The following ATM variants were observed in gnomAD, a reference collection of about 807,000 sequenced individuals.
ATM encodes serine-protein kinase ATM.
In ATM, 308 loss-of-function variants were observed where a neutral mutation model predicts 387.0. That is an observed-to-expected ratio of 0.80 (90% CI 0.73 to 0.87). The LOEUF (loss-of-function observed/expected upper bound fraction) is 0.87. Among genes scored for constraint, ATM ranks in the 40% least tolerant of loss-of-function variants. The pLI, the probability that ATM is intolerant of heterozygous loss-of-function variation, is 0.00. For synonymous variants in ATM, 1,156 were observed against 1,187.3 expected (o/e 0.97, Z 0.54); for missense variants, 3,312 against 3,560.9 (o/e 0.93, Z 1.78).
At chr11:108,229,534 TA>T in intron 4 of ATM, 1 of 498,652 alleles carries the variant, frequency 2.0e-6, no homozygotes. Flanking sequence ...AGTGGGAGTT[TA>T]GAAGGAACAA....
chr11:108,350,004 TAGAA>T (rs1226509343), intron 59 of ATM, among the ~76,000 whole-genome samples: 1 of 152,036 alleles, frequency 6.6e-6, no homozygotes, highest in African/African-American at 2.4e-5. Context: ...TGCTGAGAAA[TAGAA>T]AGCATGCTCA....
chr11:108,238,635 T>A (rs1476836646), intron 5 of ATM, among the ~76,000 whole-genome samples: 1 of 152,184 alleles, frequency 6.6e-6, no homozygotes, highest in Non-Finnish European at 1.5e-5. Context: ...TTTGGGACCT[T>A]GCTAAAATCA....
intron 44 of ATM, 68 bp downstream of exon 44, chr11:108,320,126 A>G: frequency 1.6e-6 from 2 of 1,231,590 alleles, no homozygotes; most frequent in African/African-American, 1.5e-5. Flanking sequence ...TGAAAACTTG[A>G]GAAACAATTT....
At chr11:108,355,042 A>C in intron 61 of ATM, 168 bp downstream of exon 61, 1 of 631,542 alleles carries the variant, frequency 1.6e-6, no homozygotes, top group South Asian at 1.9e-5. Context: ...CACATCCAAA[A>C]ATACTGGTTT....
chr11:108,350,033 G>A (rs964402156), intron 59 of ATM, among the ~76,000 whole-genome samples: 1 of 152,158 alleles, frequency 6.6e-6, no homozygotes, highest in African/African-American at 2.4e-5. Context: ...CTAAGAATTG[G>A]AGGGATGGTA....
intron 59 of ATM, among the ~76,000 whole-genome samples, chr11:108,352,411 G>A (rs1284948437): frequency 1.3e-5 from 2 of 152,156 alleles, no homozygotes; most frequent in African/African-American, 4.8e-5. Flanking sequence ...GCAGAATGAG[G>A]AGACAGAAGA....
At chr11:108,268,257 A>T (rs889949466) in intron 17 of ATM, among the ~76,000 whole-genome samples, 153 bp from the exon 18 acceptor site, 5 of 152,182 alleles carry the variant, frequency 3.3e-5, no homozygotes, top group Non-Finnish European at 5.9e-5. Context: ...ATTTTTCAAA[A>T]AGACTTTTGA....
At chr11:108,315,971 G>A (rs778590586) in intron 41 of ATM, 40 bp from the exon 42 acceptor site, 16 of 1,609,740 alleles carry the variant, frequency 9.9e-6, no homozygotes, top group Non-Finnish European at 1.4e-5. Context: ...AGTTATGTGT[G>A]TGTAAAACCC....
rs1591708558 is a variant in ATM at position 108,301,680 on chromosome 11, T to G, written c.5210T>G (p.Leu1737Trp). Reference sequence around the variant, plus strand: ...GTTCGATCAGCAGCTGTTACCTGTTTGAAAAACATTTTAGCCACAAAGACT... The same window carrying G: ...GTTCGATCAGCAGCTGTTACCTGTTGGAAAAACATTTTAGCCACAAAGACT... ...VKVRSAAVTC[L>W]KNILATKTGH... Residue 1737 changes from leucine (L) to tryptophan (W), a missense_variant, in exon 35 of 63, where the codon TTG (leucine) becomes TGG (tryptophan). Leu to Trp is a moderately conservative substitution (Grantham distance 61). This residue lies in a region of ATM where 1,405 missense variants were observed against 1,604.4 expected (regional missense o/e 0.88). Coordinates refer to ENST00000675843, the MANE Select transcript of ATM (RefSeq NM_000051.4). 1 of 1,613,742 alleles carries G rather than the reference T, an allele frequency of 6.2e-7. No homozygotes were observed. Among genetic ancestry groups the G allele is most frequent in the Non-Finnish European group, 8.5e-7 (1 of 1,179,780 alleles).
At chr11:108,359,110 G>A (rs1375517834) in intron 61 of ATM, among the ~76,000 whole-genome samples, 3 of 148,734 alleles carry the variant, frequency 2.0e-5, no homozygotes, top group Non-Finnish European at 4.5e-5. Flanking sequence ...GATCTACCAA[G>A]CAAATGGAAA....
At chr11:108,360,122 C>T (rs1286410316) in intron 61 of ATM, among the ~76,000 whole-genome samples, 81 of 148,560 alleles carry the variant, frequency 5.5e-4, no homozygotes, top group Non-Finnish European at 8.1e-4. Context: ...ATATCACCAC[C>T]GATCCCACAG....
intron 34 of ATM, 62 bp from the exon 35 acceptor site, chr11:108,301,586 G>T (rs2083431505): frequency 6.2e-7 from 1 of 1,604,516 alleles, no homozygotes; most frequent in Non-Finnish European, 8.5e-7. Context: ...TTCAGTGGAG[G>T]TTAACATTCA....
At position 108,241,057 on chromosome 11, in the gene ATM, T is replaced by A. The variant is rs371609237; in HGVS notation, c.497-2896T>A. 2.0e-4 allele frequency among the ~76,000 whole-genome samples: 31 copies of A among 152,300 alleles called. No homozygotes were observed. The East Asian group carries it at 3.7e-3, about 18-fold the overall frequency. ...ATGAAATTATTATTACTCTATTTTT[T>A]CCTTTAAACTTTTTTGTTGAAAACA... On this transcript the variant is annotated intron_variant, in intron 5 of 62. Transcript: ENST00000675843.
intron 31 of ATM, 95 bp downstream of exon 31, chr11:108,293,572 T>G: frequency 8.8e-7 from 1 of 1,136,530 alleles, no homozygotes; most frequent in Non-Finnish European, 1.3e-6. Context: ...AATGGAATCT[T>G]TTCTTTAATT....
intron 5 of ATM, among the ~76,000 whole-genome samples, chr11:108,238,316 T>C (rs2079399694): frequency 6.6e-6 from 1 of 151,986 alleles, no homozygotes; most frequent in South Asian, 2.1e-4. Flanking sequence ...TTTCTTTAAT[T>C]TTATATATTA....
rs2136342106 is a variant in ATM at position 108,326,244 on chromosome 11, C to A, written c.6975+19C>A. On this transcript the variant is annotated intron_variant, in intron 47 of 62. Coordinates refer to ENST00000675843, the MANE Select transcript of ATM (RefSeq NM_000051.4). ...TGCAGCGGTTTGTTTTTTTTATTGG[C>A]TGGATTAGTGTTTTACTGTTATTTA... is the stretch of plus-strand genomic sequence containing the variant. The A allele has an allele frequency of 6.2e-7, 1 of 1,613,458 alleles. No individual in the cohort carries two copies. Among genetic ancestry groups the A allele is most frequent in the Non-Finnish European group, 8.5e-7 (1 of 1,179,842 alleles).
chr11:108,283,914 T>C (rs746320602), intron 25 of ATM, among the ~76,000 whole-genome samples: 6 of 152,232 alleles, frequency 3.9e-5, no homozygotes, highest in Non-Finnish European at 7.3e-5. Context: ...GAAATAAATA[T>C]AAATTCAAGT....
chr11:108,287,530 T>C lies in ATM; in HGVS notation c.3994-70T>C, dbSNP rs1396410790. The C allele has an allele frequency of 5.8e-5, 55 of 953,056 alleles. 3 individuals are homozygous for C. In the South Asian group the frequency reaches 7.7e-4, roughly 13 times the overall value. The allele number at this position is 953,056 out of a possible 1,614,324, so 59.0% of individuals were successfully genotyped here. ...ATACTTTTGGAAATAAGGTAATATATGCCTTTTGAGCTGTCTTGACGTTCA... is the reference window on the plus strand; with the variant it reads ...ATACTTTTGGAAATAAGGTAATATACGCCTTTTGAGCTGTCTTGACGTTCA... On this transcript the variant is annotated intron_variant, in intron 26 of 62. Transcript: ENST00000675843.
intron 58 of ATM, 65 bp downstream of exon 58, chr11:108,345,973 A>G: frequency 6.3e-7 from 1 of 1,584,948 alleles, no homozygotes; most frequent in Non-Finnish European, 8.7e-7. Flanking sequence ...TTTTTGTTTG[A>G]TTCAGCACTT....
Sources: allele counts gnomAD v4.1 joint callset (sites outside exome capture counted in the v4.1 genomes callset), GRCh38; gene constraint gnomAD v4.1.1; regional missense constraint gnomAD v4.1.1; transcripts MANE v1.5; gene names NCBI Gene and HGNC (gene_info 2026-07-23, HGNC 2026-07-21).